Variants in NDFIP2 observed in about 807,000 individuals in gnomAD.
The protein encoded by NDFIP2 is NEDD4 family-interacting protein 2.
NDFIP2 carries 19 observed loss-of-function variants against 36.0 expected under a neutral mutation model. That is an observed-to-expected ratio of 0.53 (90% CI 0.37 to 0.77). The LOEUF is 0.77. NDFIP2 is among the 30% of genes least tolerant of loss of function. The pLI, the probability that NDFIP2 is intolerant of heterozygous loss-of-function variation, is 0.00. For missense variants in NDFIP2, 446 were observed against 435.8 expected (o/e 1.02, Z -0.21); for synonymous variants, 181 against 167.7 (o/e 1.08, Z -0.61).
chr13:79,532,540 T>C (rs1442538296), intron 2 of NDFIP2, among the ~76,000 whole-genome samples: 1 of 152,216 alleles, frequency 6.6e-6, no homozygotes, highest in African/African-American at 2.4e-5. Flanking sequence ...CAGTCTGTAT[T>C]TTCTATTGTA....
At chr13:79,542,952 C>T (rs1463657609) in intron 4 of NDFIP2, among the ~76,000 whole-genome samples, 1 of 151,820 alleles carries the variant, frequency 6.6e-6, no homozygotes. Context: ...TCTTGGCCCA[C>T]TGCAACCTCT....
chr13:79,539,980 A>G (rs375866497), intron 4 of NDFIP2, among the ~76,000 whole-genome samples: 21 of 152,352 alleles, frequency 1.4e-4, no homozygotes, highest in East Asian at 9.6e-4. Flanking sequence ...TGTTGGATAA[A>G]TTTATGCGTT....
chr13:79,520,771 G>T (rs113679155), intron 1 of NDFIP2, 39 bp from the exon 2 acceptor site: 4 of 1,531,716 alleles, frequency 2.6e-6, no homozygotes, highest in Non-Finnish European at 3.5e-6. Context: ...AAAATAATTA[G>T]CATTACATTA....
intron 1 of NDFIP2, among the ~76,000 whole-genome samples, chr13:79,509,694 G>T (rs115389175): frequency 0.018 from 2,655 of 151,104 alleles, 25 homozygotes; most frequent in Non-Finnish European, 0.021. Flanking sequence ...TATATATAGA[G>T]AGAGAGAGAG....
intron 2 of NDFIP2, among the ~76,000 whole-genome samples, chr13:79,529,167 A>G (rs1167638689): frequency 6.6e-6 from 1 of 152,234 alleles, no homozygotes; most frequent in Non-Finnish European, 1.5e-5. Context: ...TTGAGGTCAC[A>G]CAACTTCTAA....
chr13:79,518,291 A>G (rs752685793), intron 1 of NDFIP2, among the ~76,000 whole-genome samples: 1 of 152,210 alleles, frequency 6.6e-6, no homozygotes, highest in Non-Finnish European at 1.5e-5. Flanking sequence ...TTTGAATTCA[A>G]TTTATGTGAA....
intron 1 of NDFIP2, among the ~76,000 whole-genome samples, chr13:79,500,961 A>G (rs1873643667): frequency 6.6e-6 from 1 of 152,134 alleles, no homozygotes; most frequent in Non-Finnish European, 1.5e-5. Context: ...TGAGACATAC[A>G]GAGAACAGAT....
At chr13:79,529,591 C>T (rs1874931506) in intron 2 of NDFIP2, among the ~76,000 whole-genome samples, 1 of 152,098 alleles carries the variant, frequency 6.6e-6, no homozygotes, top group South Asian at 2.1e-4. Flanking sequence ...AAGAATTTGA[C>T]TCTTGTCTCT....
intron 1 of NDFIP2, among the ~76,000 whole-genome samples, chr13:79,488,140 G>GA (rs139619058): frequency 0.067 from 10,190 of 151,988 alleles, 726 homozygotes; most frequent in African/African-American, 0.18. Flanking sequence ...TTTGTATGTT[G>GA]AAAAAACTAA....
In NDFIP2 at chr13:79,487,105, C is replaced by G. The variant is rs143900420; in HGVS notation, c.321+5581C>G. On this transcript the variant is annotated intron_variant, in intron 1 of 7. Transcript: ENST00000218652. ...TACATTTTGGAGAGACACAAACATT[C>G]AGTTTGTACCACTGCCCTTTACAGA... Among the ~76,000 whole-genome samples the G allele has an allele frequency of 3.9e-5, 6 of 152,250 alleles. No homozygotes were observed. The East Asian group carries it at 9.7e-4, about 25-fold the overall frequency.
intron 1 of NDFIP2, among the ~76,000 whole-genome samples, chr13:79,509,171 C>G (rs1234071940): frequency 6.6e-6 from 1 of 152,016 alleles, no homozygotes; most frequent in East Asian, 1.9e-4. Context: ...ACAACATGTG[C>G]TCAGGGTGGT....
intron 1 of NDFIP2, among the ~76,000 whole-genome samples, chr13:79,505,465 A>G (rs1490113031): frequency 2.0e-5 from 3 of 152,048 alleles, no homozygotes; most frequent in Non-Finnish European, 4.4e-5. Flanking sequence ...CTTCAGCTCT[A>G]CAAAAAAAAT....
At position 79,481,401 on chromosome 13, in the gene NDFIP2, G is replaced by A. The variant is rs2079811627; in HGVS notation, c.198G>A (p.Ala66=). 2 of 1,556,254 alleles carry A rather than the reference G, an allele frequency of 1.3e-6. No homozygotes were observed. The highest frequency in any genetic ancestry group is 1.2e-5 in the South Asian group (1 of 84,516). The part of the protein sequence containing the change: ...CRNGGGRGPA[A]TTSSTGVAVG... ...ACGGAGGCGGAAGGGGCCCTGCGGC[G>A]ACGACGTCGTCGACGGGGGTGGCCG... The change falls in exon 1 of 8, where the codon GCG becomes GCA. Residue 66 remains alanine (A), a synonymous_variant. Coordinates refer to ENST00000218652, the MANE Select transcript of NDFIP2 (RefSeq NM_019080.3).
At chr13:79,548,620 T>A (rs1252590970) in intron 6 of NDFIP2, among the ~76,000 whole-genome samples, 7 of 152,038 alleles carry the variant, frequency 4.6e-5, no homozygotes, top group African/African-American at 7.2e-5. Context: ...GGATGATAAT[T>A]GAATGCTAAA....
rs1875726745 is a variant in NDFIP2, at chr13:79,547,342, T to C, written c.841-986T>C. 2.6e-5 allele frequency among the ~76,000 whole-genome samples: 4 copies of C among 152,190 alleles called. No individual in the cohort carries two copies. The South Asian group carries it at 6.2e-4, about 24-fold the overall frequency. ...AAATACTTTTAGTTAGTATTAGATT[T>C]GAGAGCAAGTCTGCATTTAGTGGAA... On this transcript the variant is annotated intron_variant, in intron 5 of 7. Transcript: ENST00000218652.
chr13:79,497,704 A>G (rs1478124139), intron 1 of NDFIP2, among the ~76,000 whole-genome samples: 1 of 106,228 alleles, frequency 9.4e-6, no homozygotes, highest in African/African-American at 3.5e-5. Flanking sequence ...CTCTCTCCCT[A>G]GTATTTTTGT....
chr13:79,512,889 A>G (rs1874134411), intron 1 of NDFIP2, among the ~76,000 whole-genome samples: 1 of 152,166 alleles, frequency 6.6e-6, no homozygotes, highest in African/African-American at 2.4e-5. Context: ...TAGCTTCTCT[A>G]TTTGGGTTTC....
chr13:79,542,027 T>C (rs1010129552), intron 4 of NDFIP2, among the ~76,000 whole-genome samples: 7 of 152,218 alleles, frequency 4.6e-5, no homozygotes, highest in African/African-American at 1.4e-4. Context: ...ACATGCCTAA[T>C]GTGCATATCT....
chr13:79,486,993 C>T (rs1446035726), intron 1 of NDFIP2, among the ~76,000 whole-genome samples: 1 of 152,154 alleles, frequency 6.6e-6, no homozygotes, highest in African/African-American at 2.4e-5. Context: ...ATAGGGACCC[C>T]ACCCTCATGA....
Sources: allele counts gnomAD v4.1 joint callset (sites outside exome capture counted in the v4.1 genomes callset), GRCh38; gene constraint gnomAD v4.1.1; transcripts MANE v1.5; gene names NCBI Gene and HGNC (gene_info 2026-07-23, HGNC 2026-07-21).